Variants in MAGI3 observed in about 807,000 individuals in gnomAD.
The protein encoded by MAGI3 is membrane associated guanylate kinase, WW and PDZ domain containing 3.
MAGI3 carries 43 observed loss-of-function variants against 121.8 expected under a neutral mutation model. The ratio of observed to expected loss-of-function variants is 0.35; its 90% CI spans 0.28 to 0.46. The LOEUF (loss-of-function observed/expected upper bound fraction) is 0.46, where lower values mean the gene tolerates loss of function less well. Ranked by LOEUF, MAGI3 falls within the 20% of genes least tolerant of loss-of-function variation. The probability of loss-of-function intolerance (pLI) is 1.00; values close to 1 mark genes in which losing one functional copy is unlikely to be tolerated. For missense variants in MAGI3, 1,547 were observed against 1,797.3 expected (o/e 0.86, Z 2.52); for synonymous variants, 553 against 639.3 (o/e 0.86, Z 2.04).
intron 1 of MAGI3, among the ~76,000 whole-genome samples, chr1:113,416,021 AATTAATGACACATATTAATTATG>A (rs1652290713): frequency 1.3e-5 from 2 of 149,462 alleles, no homozygotes; most frequent in Non-Finnish European, 3.0e-5. Flanking sequence ...TTAATTATGT[AATTAATGACACATATTAATTATG>A]TAATTAATGA....
intron 17 of MAGI3, among the ~76,000 whole-genome samples, chr1:113,672,346 AT>A (rs1438465173): frequency 6.6e-6 from 1 of 152,120 alleles, no homozygotes; most frequent in African/African-American, 2.4e-5. Context: ...TGGTGTAGTT[AT>A]TTGATTGCAG....
At chr1:113,570,593 G>C (rs372287286) in intron 2 of MAGI3, among the ~76,000 whole-genome samples, 157 of 152,274 alleles carry the variant, frequency 1.0e-3, no homozygotes, top group African/African-American at 3.7e-3. Context: ...TCTAACTGAT[G>C]TGAGATGGTG....
At chr1:113,662,362 C>T (rs542107442) in intron 16 of MAGI3, among the ~76,000 whole-genome samples, 1 of 152,296 alleles carries the variant, frequency 6.6e-6, no homozygotes, top group Middle Eastern at 3.4e-3. Context: ...ACCGCCTCTT[C>T]CTCTGCCATG....
intron 9 of MAGI3, among the ~76,000 whole-genome samples, chr1:113,640,384 A>G (rs924413049): frequency 1.3e-5 from 2 of 152,218 alleles, no homozygotes; most frequent in Non-Finnish European, 2.9e-5. Flanking sequence ...TACTGGATAT[A>G]TACCCAAAGG....
intron 6 of MAGI3, among the ~76,000 whole-genome samples, chr1:113,613,207 A>G (rs1650267155): frequency 6.6e-6 from 1 of 152,146 alleles, no homozygotes; most frequent in Non-Finnish European, 1.5e-5. Flanking sequence ...GTTCTTTTTA[A>G]TGTTTTGTTC....
intron 1 of MAGI3, among the ~76,000 whole-genome samples, chr1:113,488,633 C>T (rs1215569082): frequency 1.3e-5 from 2 of 152,224 alleles, no homozygotes. Flanking sequence ...TGGCATGTAT[C>T]TGTGTGGGTG....
intron 2 of MAGI3, among the ~76,000 whole-genome samples, chr1:113,558,649 A>G (rs540456331): frequency 3.7e-4 from 57 of 152,270 alleles, no homozygotes; most frequent in East Asian, 5.8e-4. Context: ...GGATATCATC[A>G]AAGAGAACTT....
intron 1 of MAGI3, among the ~76,000 whole-genome samples, chr1:113,537,828 AACAG>A (rs1659080941): frequency 6.6e-6 from 1 of 152,204 alleles, no homozygotes; most frequent in Admixed American, 6.5e-5. Context: ...CCAGTTCTTG[AACAG>A]ACATTTTACA....
intron 1 of MAGI3, among the ~76,000 whole-genome samples, chr1:113,413,810 C>T (rs951968803): frequency 6.6e-6 from 1 of 152,164 alleles, no homozygotes; most frequent in Non-Finnish European, 1.5e-5. Flanking sequence ...AATATCCAAT[C>T]ATGTCATCTG....
At chr1:113,584,530 T>C (rs1648239036) in intron 3 of MAGI3, among the ~76,000 whole-genome samples, 2 of 152,208 alleles carry the variant, frequency 1.3e-5, no homozygotes, top group East Asian at 1.9e-4. Flanking sequence ...AGAAAAACTT[T>C]TAAAAATTAC....
chr1:113,549,489 G>GTTTTTTTTTTT, intron 1 of MAGI3, 26 bp from the exon 2 acceptor site: 2 of 1,028,310 alleles, frequency 1.9e-6, no homozygotes, highest in Non-Finnish European at 2.8e-6. Context: ...TTTATTTTCT[G>GTTTTTTTTTTT]TTTTTTTTTT....
intron 11 of MAGI3, among the ~76,000 whole-genome samples, chr1:113,645,303 C>A (rs1481871076): frequency 6.6e-6 from 1 of 152,160 alleles, no homozygotes. Flanking sequence ...GGATTACAGG[C>A]ATGAGCCACT....
chr1:113,471,350 AAAC>A (rs1201837891), intron 1 of MAGI3, among the ~76,000 whole-genome samples: 1 of 152,330 alleles, frequency 6.6e-6, no homozygotes, highest in Admixed American at 6.5e-5. Flanking sequence ...TGTGGAAATT[AAAC>A]AACATACTCC....
chr1:113,461,123 G>A (rs895427680), intron 1 of MAGI3, among the ~76,000 whole-genome samples: 1 of 152,152 alleles, frequency 6.6e-6, no homozygotes, highest in Non-Finnish European at 1.5e-5. Context: ...CTCATGGATA[G>A]GAAGACCCCA....
chr1:113,651,359 C>G (rs1483709067), intron 14 of MAGI3, among the ~76,000 whole-genome samples, 153 bp downstream of exon 14: 2 of 152,062 alleles, frequency 1.3e-5, no homozygotes, highest in Non-Finnish European at 2.9e-5. Flanking sequence ...GAAGGCTATG[C>G]AAACACAAAA....
intron 15 of MAGI3, among the ~76,000 whole-genome samples, chr1:113,655,253 G>C (rs1653407329): frequency 2.0e-5 from 3 of 152,050 alleles, no homozygotes; most frequent in Admixed American, 2.0e-4. Flanking sequence ...TGTCATTCTC[G>C]TAACATACAA....
intron 1 of MAGI3, among the ~76,000 whole-genome samples, chr1:113,509,505 G>C (rs1292240606): frequency 7.5e-6 from 1 of 133,134 alleles, no homozygotes; most frequent in Non-Finnish European, 1.6e-5. Context: ...ATAGAAATTA[G>C]AGTTTACACA....
intron 1 of MAGI3, among the ~76,000 whole-genome samples, chr1:113,529,113 A>G: frequency 6.6e-6 from 1 of 152,112 alleles, no homozygotes; most frequent in South Asian, 2.1e-4. Flanking sequence ...TTTGGCTTTT[A>G]TTTTGTACAT....
Position 113,422,899 on chromosome 1 carries a change from T to C in MAGI3, c.316+31550T>C, listed in dbSNP as rs547941436. ...TCCCATTGCATGTGTGGCTGCCTGG[T>C]GCGGTGGAGGGCGGGAGGGCTATAG... On this transcript the variant is annotated intron_variant, in intron 1 of 20. Coordinates refer to ENST00000307546, the MANE Select transcript of MAGI3 (RefSeq NM_001142782.2). This position sits in a 1 kb window ranked among gnomAD's most constrained non-coding sequence, Gnocchi z 4.3. 1.3e-5 allele frequency among the ~76,000 whole-genome samples: 2 copies of C among 152,234 alleles called. No individual in the cohort carries two copies. Among genetic ancestry groups the C allele is most frequent in the South Asian group, 4.2e-4 (2 of 4,818 alleles).
Sources: gnomAD v4.1 joint callset for allele counts (sites outside exome capture counted in the v4.1 genomes callset) on GRCh38, gnomAD v4.1.1 for gene constraint, Gnocchi (gnomAD v3.1) non-coding constraint, MANE v1.5 for transcripts, NCBI Gene and HGNC (gene_info 2026-07-23, HGNC 2026-07-21) for gene names.